Variants in UBE3C observed in about 807,000 individuals in gnomAD.
The protein encoded by UBE3C is ubiquitin-protein ligase E3C.
A neutral mutation model predicts 129.4 loss-of-function variants in UBE3C; 42 were observed. That is an observed-to-expected ratio of 0.32 (90% CI 0.25 to 0.42). The LOEUF is 0.42. Among genes scored for constraint, UBE3C ranks in the 10% least tolerant of loss-of-function variants. The pLI, the probability that UBE3C is intolerant of heterozygous loss-of-function variation, is 1.00. For synonymous variants in UBE3C, 510 were observed against 492.4 expected, an observed-to-expected ratio of 1.04 and a Z score of -0.47; for missense variants, 1,049 against 1,319.1, an observed-to-expected ratio of 0.80 and a Z score of 3.17.
At chr7:157,243,506 C>T (rs1182392) in intron 18 of UBE3C, among the ~76,000 whole-genome samples, 88,847 of 152,020 alleles carry the variant, frequency 0.58, 26,334 homozygotes, top group South Asian at 0.65. Context: ...CCTCAGCTCA[C>T]GTTTAGAGAT....
chr7:157,164,683 A>G (rs1808166022), intron 2 of UBE3C, among the ~76,000 whole-genome samples: 1 of 152,118 alleles, frequency 6.6e-6, no homozygotes. Context: ...TGTTATTTTA[A>G]CAATTCATTT....
At chr7:157,146,904 G>A (rs952056970) in intron 1 of UBE3C, among the ~76,000 whole-genome samples, 4 of 152,172 alleles carry the variant, frequency 2.6e-5, no homozygotes, top group East Asian at 3.9e-4. Flanking sequence ...GCCTGCCTCA[G>A]CCTCCCAAAG....
At chr7:157,190,699 CAG>C (rs1808936692) in intron 10 of UBE3C, among the ~76,000 whole-genome samples, 1 of 152,200 alleles carries the variant, frequency 6.6e-6, no homozygotes, top group African/African-American at 2.4e-5. Flanking sequence ...TTCTCTTGAA[CAG>C]TGTAGACTCC....
At chr7:157,174,231 G>A (rs568374519) in intron 4 of UBE3C, among the ~76,000 whole-genome samples, 11 of 152,108 alleles carry the variant, frequency 7.2e-5, no homozygotes, top group Non-Finnish European at 1.5e-4. Context: ...GCGTGGTGGC[G>A]GGCACCCGTA....
intron 3 of UBE3C, among the ~76,000 whole-genome samples, chr7:157,169,373 CTTT>C (rs3039755): frequency 7.0e-6 from 1 of 142,516 alleles, no homozygotes. Context: ...ATGAGAGATC[CTTT>C]TTTTTTTTTT....
chr7:157,184,039 G>A lies in UBE3C; in HGVS notation c.1143+10G>A, dbSNP rs202243973. 5.6e-6 allele frequency: 9 copies of A among 1,612,918 alleles called. No individual in the cohort carries two copies. The highest frequency in any genetic ancestry group is 4.5e-5 in the East Asian group (2 of 44,840). Reference sequence around the variant, plus strand: ...CAAGCCCTCAAGCCCGGTAAGCCCCGTGCCCTGCATCTGGGGGGCTGCGAT... The same window carrying A: ...CAAGCCCTCAAGCCCGGTAAGCCCCATGCCCTGCATCTGGGGGGCTGCGAT... On this transcript the variant is annotated intron_variant, in intron 9 of 22. Transcript: ENST00000348165.
chr7:157,146,795 C>T (rs1367099929), intron 1 of UBE3C, among the ~76,000 whole-genome samples: 1 of 151,814 alleles, frequency 6.6e-6, no homozygotes, highest in Non-Finnish European at 1.5e-5. Flanking sequence ...GCTGGGTGGG[C>T]ATGTGCCACC....
At chr7:157,212,465 G>T (rs1211681666) in intron 13 of UBE3C, among the ~76,000 whole-genome samples, 1 of 152,158 alleles carries the variant, frequency 6.6e-6, no homozygotes, top group Non-Finnish European at 1.5e-5. Flanking sequence ...AATATAGCTA[G>T]TGCGTAAGAA....
intron 1 of UBE3C, chr7:157,139,907 A>T: frequency 1.4e-6 from 1 of 717,710 alleles, no homozygotes; most frequent in Non-Finnish European, 1.7e-6. Flanking sequence ...TCTCATGAAT[A>T]GCCACGTGTT....
At chr7:157,240,438 A>G (rs988256009) in intron 18 of UBE3C, among the ~76,000 whole-genome samples, 11 of 152,184 alleles carry the variant, frequency 7.2e-5, no homozygotes, top group African/African-American at 2.7e-4. Context: ...TGGAAATACA[A>G]TAGGATTGCC....
intron 16 of UBE3C, among the ~76,000 whole-genome samples, chr7:157,224,820 A>T (rs1586702058): frequency 6.7e-6 from 1 of 149,108 alleles, no homozygotes; most frequent in Non-Finnish European, 1.5e-5. Context: ...TCTCCCACTC[A>T]CTCACTCACT....
intron 2 of UBE3C, among the ~76,000 whole-genome samples, chr7:157,167,904 A>G (rs1019601748): frequency 2.6e-5 from 4 of 152,284 alleles, no homozygotes; most frequent in African/African-American, 9.6e-5. Flanking sequence ...GGTCATAACA[A>G]TGATGAAGAA....
At chr7:157,198,215 AC>A in intron 10 of UBE3C, 1 of 1,530,592 alleles carries the variant, frequency 6.5e-7, no homozygotes, top group Non-Finnish European at 9.1e-7. Flanking sequence ...CAGACCGCTT[AC>A]AAAAGGAATT....
intron 22 of UBE3C, among the ~76,000 whole-genome samples, chr7:157,264,904 TTG>T (rs1431655151): frequency 6.6e-6 from 1 of 152,194 alleles, no homozygotes; most frequent in African/African-American, 2.4e-5. Context: ...TAGCTGTATC[TTG>T]TGTTCAGTTT....
intron 10 of UBE3C, chr7:157,198,211 G>A (rs1431358893): frequency 1.1e-5 from 17 of 1,532,076 alleles, no homozygotes; most frequent in South Asian, 6.7e-5. Context: ...TATTCAGACC[G>A]CTTACAAAAG....
At chr7:157,159,078 G>T (rs988359161) in intron 1 of UBE3C, among the ~76,000 whole-genome samples, 1 of 152,152 alleles carries the variant, frequency 6.6e-6, no homozygotes, top group African/African-American at 2.4e-5. Context: ...GAAGTCATGG[G>T]CGGTAACTAC....
chr7:157,175,458 G>A lies in UBE3C; in HGVS notation c.458+424G>A, dbSNP rs536217808. On this transcript the variant is annotated intron_variant, in intron 5 of 22. Transcript: ENST00000348165. ...GGCTTTTTATTATTTATGTAGGAAC[G>A]CAGCATAAGCCACTGCCGTGACTTT... is the stretch of plus-strand genomic sequence containing the variant. Among the ~76,000 whole-genome samples, 9 of 152,226 alleles carry A rather than the reference G, an allele frequency of 5.9e-5. No individual in the cohort carries two copies. In the East Asian group the frequency reaches 7.7e-4, roughly 13 times the overall value.
At chr7:157,250,933 G>T (rs751634266) in intron 19 of UBE3C, among the ~76,000 whole-genome samples, 1 of 152,114 alleles carries the variant, frequency 6.6e-6, no homozygotes, top group Non-Finnish European at 1.5e-5. Context: ...GTGAAACGTC[G>T]CATATGCAAG....
chr7:157,216,379 T>G (rs1044822365), intron 13 of UBE3C, among the ~76,000 whole-genome samples: 4 of 151,844 alleles, frequency 2.6e-5, no homozygotes, highest in African/African-American at 7.3e-5. Context: ...ATTTTAGGTT[T>G]GGGGGTACAT....
Sources: gnomAD v4.1 joint callset for allele counts (sites outside exome capture counted in the v4.1 genomes callset) on GRCh38, gnomAD v4.1.1 for gene constraint, MANE v1.5 for transcripts, NCBI Gene and HGNC (gene_info 2026-07-23, HGNC 2026-07-21) for gene names.